The following RNF212 variants were observed in gnomAD, a reference collection of about 807,000 sequenced individuals.
RNF212 encodes probable E3 SUMO-protein ligase RNF212.
A neutral mutation model predicts 34.7 loss-of-function variants in RNF212; 33 were observed. That is an observed-to-expected ratio of 0.95 (90% confidence interval 0.72 to 1.27). The LOEUF is 1.27. Among genes scored for constraint, RNF212 ranks in the 50% most tolerant of loss-of-function variants. The pLI, the probability that RNF212 is intolerant of heterozygous loss-of-function variation, is 0.00. For missense variants in RNF212, 377 were observed against 362.2 expected, an observed-to-expected ratio of 1.04 and a Z score of -0.33; for synonymous variants, 140 against 136.1, an observed-to-expected ratio of 1.03 and a Z score of -0.20.
downstream of RNF212, among the ~76,000 whole-genome samples, chr4:1,069,709 G>A (rs1028255903): frequency 4.6e-5 from 7 of 152,258 alleles, no homozygotes; most frequent in Non-Finnish European, 8.8e-5. Context: ...CCCACCAATA[G>A]AGGATGGTCT....
At position 1,085,900 on chromosome 4, in the gene RNF212, G is replaced by T. The variant is rs770048052; in HGVS notation, c.358C>A (p.Gln120Lys). Residue 120 changes from glutamine to lysine, a missense_variant, in exon 5 of 10, where the codon CAA becomes AAA. Gln to Lys is a moderately conservative substitution (Grantham distance 53). Coordinates refer to ENST00000433731, the MANE Select transcript of RNF212 (RefSeq NM_001131034.4). ...ACGGGGGGTGGGGCGCCTTACCTTT[G>T]TAGTTGTTCTATCTGCAGCACTGAC... The part of the protein sequence containing the change: ...RKSVLQIEQL[Q>K]SMRSSQQTAF... 6.2e-7 allele frequency: 1 copy of T among 1,611,302 alleles called. No homozygotes were observed. Among genetic ancestry groups the T allele is most frequent in the African/African-American group, 1.3e-5 (1 of 74,896 alleles).
chr4:1,083,901 T>C (rs892585518), intron 5 of RNF212, among the ~76,000 whole-genome samples: 5 of 150,400 alleles, frequency 3.3e-5, no homozygotes, highest in Admixed American at 6.6e-5. Flanking sequence ...AAGAAAATTA[T>C]ACACCAACAA....
At chr4:1,076,352 G>T (rs6835141) in intron 8 of RNF212, among the ~76,000 whole-genome samples, 120,900 of 152,196 alleles carry the variant, frequency 0.79, 48,485 homozygotes, top group African/African-American at 0.88. Context: ...TCATGGGATG[G>T]CGCTGGCTTT....
At chr4:1,097,930 T>C (rs528378467) in intron 2 of RNF212, among the ~76,000 whole-genome samples, 2 of 152,256 alleles carry the variant, frequency 1.3e-5, no homozygotes, top group South Asian at 2.1e-4. Context: ...CTGGGCGTGA[T>C]GGCAGGTGCC....
chr4:1,074,223 T>G lies in RNF212; in HGVS notation c.511-561A>C, dbSNP rs547191965. On this transcript the variant is annotated intron_variant, in intron 8 of 9. Transcript: ENST00000433731. ...AGGTTCTGAGACTGGTAAGGGAGGCTGCTCTGCTCTGAGCCCCTCCTGCCT... is the reference window on the plus strand; with the variant it reads ...AGGTTCTGAGACTGGTAAGGGAGGCGGCTCTGCTCTGAGCCCCTCCTGCCT... 3.3e-5 allele frequency among the ~76,000 whole-genome samples: 5 copies of G among 152,296 alleles called. No individual in the cohort carries two copies. In the South Asian group the frequency reaches 8.3e-4, roughly 25 times the overall value.
chr4:1,113,339 GT>G lies in RNF212; in HGVS notation c.109+16del. ...CGCTCCCCTCCCCTCTCCAGCCTGCGTTCGGGAAGCCCTGACCTTTGCCGAG... is the reference window on the plus strand; with the variant it reads ...CGCTCCCCTCCCCTCTCCAGCCTGCGTCGGGAAGCCCTGACCTTTGCCGAG... On this transcript the variant is annotated intron_variant, in intron 1 of 9. Transcript: ENST00000433731. 6.9e-7 allele frequency: 1 copy of G among 1,449,048 alleles called. No individual in the cohort carries two copies. Among genetic ancestry groups the G allele is most frequent in the Non-Finnish European group, 9.1e-7 (1 of 1,093,970 alleles). 89.8% of individuals were successfully genotyped at this position (1,449,048 alleles called of 1,614,324 possible).
At chr4:1,077,231 A>G (rs984627092) in intron 8 of RNF212, among the ~76,000 whole-genome samples, 2 of 151,596 alleles carry the variant, frequency 1.3e-5, no homozygotes, top group African/African-American at 4.9e-5. Context: ...CTCTGTCTCA[A>G]ACAAACAAAC....
chr4:1,110,934 A>T (rs189359669), intron 1 of RNF212, among the ~76,000 whole-genome samples: 6 of 152,308 alleles, frequency 3.9e-5, no homozygotes, highest in African/African-American at 1.4e-4. Context: ...CAAACCTGTG[A>T]ATCTATACCT....
chr4:1,108,614 C>T (rs955568355), intron 1 of RNF212, among the ~76,000 whole-genome samples: 2 of 152,172 alleles, frequency 1.3e-5, no homozygotes, highest in African/African-American at 4.8e-5. Flanking sequence ...CAAATATGTA[C>T]AAAAACAGTG....
intron 8 of RNF212, among the ~76,000 whole-genome samples, chr4:1,078,448 G>A (rs566918413): frequency 2.0e-4 from 31 of 152,320 alleles, no homozygotes; most frequent in African/African-American, 6.7e-4. Flanking sequence ...CAGACGACGG[G>A]AGAGCCGGGC....
rs1720328641 is a variant in RNF212, at chr4:1,081,473, A to G, written c.416-6T>C. Reference sequence around the variant, plus strand: ...CAGGCATCCGTGTGGTTTTGCTGGAAGAGTGATGACGAAAATGCCAGCGTC... The same window carrying G: ...CAGGCATCCGTGTGGTTTTGCTGGAGGAGTGATGACGAAAATGCCAGCGTC... On this transcript the variant is annotated splice_polypyrimidine_tract_variant and splice_region_variant and intron_variant, in intron 6 of 9. Coordinates refer to ENST00000433731, the MANE Select transcript of RNF212 (RefSeq NM_001131034.4). 1 of 1,613,792 alleles carries G rather than the reference A, an allele frequency of 6.2e-7. No individual in the cohort carries two copies. The highest frequency in any genetic ancestry group is 1.3e-5 in the African/African-American group (1 of 74,896).
chr4:1,110,944 T>C (rs1255144753), intron 1 of RNF212, among the ~76,000 whole-genome samples: 4 of 152,200 alleles, frequency 2.6e-5, no homozygotes, highest in Non-Finnish European at 5.9e-5. Flanking sequence ...AATCTATACC[T>C]GCCCCAGGCC....
chr4:1,108,831 C>A (rs1725215457), intron 1 of RNF212, among the ~76,000 whole-genome samples: 1 of 152,030 alleles, frequency 6.6e-6, no homozygotes, highest in South Asian at 2.1e-4. Context: ...CCCTGAGTAG[C>A]TAGGACCACA....
At chr4:1,065,786 A>G (rs1412809548) in intron 3 of RNF212, among the ~76,000 whole-genome samples, 1 of 145,148 alleles carries the variant, frequency 6.9e-6, no homozygotes, top group Non-Finnish European at 1.6e-5. Context: ...AGGTTTCATC[A>G]TGTTGGCCAG....
intron 3 of RNF212, among the ~76,000 whole-genome samples, chr4:1,059,395 G>A (rs1037255303): frequency 2.0e-5 from 3 of 152,198 alleles, no homozygotes; most frequent in Non-Finnish European, 4.4e-5. Context: ...CTTGTATCAC[G>A]GTTTGGCATC....
chr4:1,113,637 C>T (rs566018639), upstream of RNF212: 4 of 500,672 alleles, frequency 8.0e-6, no homozygotes, highest in South Asian at 5.5e-5. Flanking sequence ...CTCGCGGGTT[C>T]TCCCGCAGCA....
At chr4:1,106,121 G>C (rs984843110) in intron 2 of RNF212, among the ~76,000 whole-genome samples, 5 of 152,314 alleles carry the variant, frequency 3.3e-5, no homozygotes, top group South Asian at 2.1e-4. Flanking sequence ...GCTCCTATAG[G>C]GGGGTGAAGC....
At chr4:1,058,754 G>T (rs530981635) in intron 3 of RNF212, among the ~76,000 whole-genome samples, 11 of 152,358 alleles carry the variant, frequency 7.2e-5, no homozygotes, top group African/African-American at 2.6e-4. Flanking sequence ...CTGAGTTTCA[G>T]CCTCACTGAG....
intron 2 of RNF212, among the ~76,000 whole-genome samples, chr4:1,107,742 G>T (rs550370196): frequency 2.5e-4 from 38 of 152,158 alleles, no homozygotes; most frequent in Admixed American, 7.2e-4. Flanking sequence ...GAGCCATCAC[G>T]CCCGGCAGGA....
Sources: allele counts gnomAD v4.1 joint callset (sites outside exome capture counted in the v4.1 genomes callset), GRCh38; gene constraint gnomAD v4.1.1; transcripts MANE v1.5; gene names NCBI Gene and HGNC (gene_info 2026-07-23, HGNC 2026-07-21).